Variants in MYLIP observed in about 807,000 individuals in gnomAD.
The protein encoded by MYLIP is myosin regulatory light chain interacting protein.
In MYLIP, 26 loss-of-function variants were observed where a neutral mutation model predicts 45.8. The ratio of observed to expected loss-of-function variants is 0.57; its 90% CI spans 0.42 to 0.79. MYLIP has a LOEUF of 0.79. Among genes scored for constraint, MYLIP ranks in the 30% least tolerant of loss-of-function variants. The pLI is 0.00. For synonymous variants in MYLIP, 213 were observed against 218.1 expected, an observed-to-expected ratio of 0.98 and a Z score of 0.21; for missense variants, 494 against 555.6, an observed-to-expected ratio of 0.89 and a Z score of 1.11.
chr6:16,156,584 C>T, the MYLIP span, among the ~76,000 whole-genome samples: 7 of 152,178 alleles, frequency 4.6e-5, no homozygotes, highest in African/African-American at 1.7e-4. Context: ...ACAAGTTATC[C>T]ATAAAGCTTT....
chr6:16,139,281 G>A (rs1344159208), intron 2 of MYLIP, among the ~76,000 whole-genome samples: 3 of 151,982 alleles, frequency 2.0e-5, no homozygotes, highest in East Asian at 1.9e-4. Context: ...TGTAGCTATC[G>A]GGAGGCCGAG....
In MYLIP at chr6:16,135,755, C is replaced by CTATA. The variant is rs10593630; in HGVS notation, c.278+5028_278+5031dup. Reference sequence around the variant, plus strand: ...ATTATATGTGTGTGTATACATATATCTATATATATATATATATATATATGT... The same window carrying CTATA: ...ATTATATGTGTGTGTATACATATATCTATATATATATATATATATATATATATGT... On this transcript the variant is annotated intron_variant, in intron 2 of 6. Transcript: ENST00000356840. 5.7e-3 allele frequency among the ~76,000 whole-genome samples: 714 copies of CTATA among 125,220 alleles called. 11 individuals carry two copies. The highest frequency in any genetic ancestry group is 8.0e-3 in the South Asian group (34 of 4,250). The allele number at this position is 125,220 out of a possible 152,430, so 82.1% of individuals were successfully genotyped here.
intron 2 of MYLIP, among the ~76,000 whole-genome samples, chr6:16,137,627 G>T (rs781521762): frequency 6.6e-6 from 1 of 152,166 alleles, no homozygotes; most frequent in Non-Finnish European, 1.5e-5. Flanking sequence ...ATGAGCAGAT[G>T]AACAACTTCC....
rs1759757423 is a variant in MYLIP, at chr6:16,145,023, A to T, written c.954A>T (p.Thr318=). ...GKKYVFDIKR[T]SKEVYDHARR... Reference sequence around the variant, plus strand: ...AATATGTCTTTGATATTAAAAGAACATCAAAGGAGGTGTATGACCATGCCA... The same window carrying T: ...AATATGTCTTTGATATTAAAAGAACTTCAAAGGAGGTGTATGACCATGCCA... The change falls in exon 6 of 7, where the codon ACA becomes ACT. Residue 318 remains threonine (T), a synonymous_variant. Coordinates refer to ENST00000356840, the MANE Select transcript of MYLIP (RefSeq NM_013262.4). 1 of 1,614,230 alleles carries T rather than the reference A, an allele frequency of 6.2e-7. No individual in the cohort carries two copies. Among genetic ancestry groups the T allele is most frequent in the Non-Finnish European group, 8.5e-7 (1 of 1,180,038 alleles).
At chr6:16,154,141 A>G in the MYLIP span, among the ~76,000 whole-genome samples, 12 of 152,216 alleles carry the variant, frequency 7.9e-5, no homozygotes, top group Admixed American at 7.2e-4. Flanking sequence ...CTCCTTTTAA[A>G]AAAATTAATT....
At chr6:16,133,463 G>A (rs1759494713) in intron 2 of MYLIP, among the ~76,000 whole-genome samples, 1 of 152,156 alleles carries the variant, frequency 6.6e-6, no homozygotes, top group Admixed American at 6.5e-5. Context: ...AATGTAAAAG[G>A]AGAGTCTTTT....
At chr6:16,140,035 C>A (rs762482981) in intron 2 of MYLIP, among the ~76,000 whole-genome samples, 1 of 152,224 alleles carries the variant, frequency 6.6e-6, no homozygotes, top group Non-Finnish European at 1.5e-5. Context: ...AGCCTCACTG[C>A]CTCCTCCTTA....
At chr6:16,157,354 T>A in the MYLIP span, among the ~76,000 whole-genome samples, 1 of 152,264 alleles carries the variant, frequency 6.6e-6, no homozygotes, top group Non-Finnish European at 1.5e-5. Flanking sequence ...TGTGTATGTG[T>A]GTTTCATGCA....
At chr6:16,154,430 C>G in the MYLIP span, among the ~76,000 whole-genome samples, 1 of 152,148 alleles carries the variant, frequency 6.6e-6, no homozygotes, top group African/African-American at 2.4e-5. Context: ...AGAGATTCTC[C>G]TTGGCCTCAT....
intron 5 of MYLIP, 73 bp downstream of exon 5, chr6:16,143,936 G>A (rs572389874): frequency 2.9e-5 from 44 of 1,505,414 alleles, no homozygotes; most frequent in African/African-American, 2.5e-4. Context: ...AGGTTTCTAC[G>A]GTTCCTTGGA....
At chr6:16,151,658 A>G (rs1759881876), downstream of MYLIP, among the ~76,000 whole-genome samples, 4 of 152,278 alleles carry the variant, frequency 2.6e-5, no homozygotes, top group Admixed American at 2.6e-4. Context: ...TCATATCTGT[A>G]GAGTCTTCTT....
In MYLIP at chr6:16,145,151, G is replaced by A; in HGVS notation, c.1082G>A (p.Ser361Asn). Residue 361 changes from serine to asparagine, a missense_variant, in exon 6 of 7, where the codon AGC (serine) becomes AAC (asparagine). By Grantham distance (46) the Ser-to-Asn change is conservative. Coordinates refer to ENST00000356840, the MANE Select transcript of MYLIP (RefSeq NM_013262.4). Reference sequence around the variant, plus strand: ...TCCTCAGAAAGCAGCATGAACTGCAGCAGCTGCGAGGGCCTCAGCTGCCAG... The same window carrying A: ...TCCTCAGAAAGCAGCATGAACTGCAACAGCTGCGAGGGCCTCAGCTGCCAG... ...LKSSESSMNC[S>N]SCEGLSCQQT... 6.2e-7 allele frequency: 1 copy of A among 1,614,212 alleles called. No homozygotes were observed. The highest frequency in any genetic ancestry group is 1.3e-5 in the African/African-American group (1 of 75,056).
At chr6:16,131,728 GT>G (rs901121955) in intron 2 of MYLIP, among the ~76,000 whole-genome samples, 1 of 152,156 alleles carries the variant, frequency 6.6e-6, no homozygotes, top group Non-Finnish European at 1.5e-5. Flanking sequence ...TCCTTTAAGA[GT>G]TTTTTACATG....
rs1759402002 is a variant in MYLIP at position 16,129,237 on chromosome 6, C to G, written c.-86C>G. 4 of 1,407,034 alleles carry G rather than the reference C, an allele frequency of 2.8e-6. No individual in the cohort carries two copies. Among genetic ancestry groups the G allele is most frequent in the Non-Finnish European group, 3.9e-6 (4 of 1,025,860 alleles). 87.2% of individuals were successfully genotyped at this position (1,407,034 alleles called of 1,614,324 possible). On this transcript the variant is annotated 5_prime_UTR_variant, in exon 1 of 7. Coordinates refer to ENST00000356840, the MANE Select transcript of MYLIP (RefSeq NM_013262.4). The surrounding 1 kb of genome is among the most constrained non-coding windows in gnomAD (Gnocchi z 5.1). ...CTTCGAGGGCCAGCCCTCTCCGAGT[C>G]CGGGGCTGGGTCCCACCAGTGACAA...
At chr6:16,151,361 A>AAAAAAAG (rs1200331538), downstream of MYLIP, among the ~76,000 whole-genome samples, 2 of 151,730 alleles carry the variant, frequency 1.3e-5, no homozygotes, top group Non-Finnish European at 2.9e-5. Flanking sequence ...CATCTCAAAA[A>AAAAAAAG]AAAAAAGAAA....
At chr6:16,138,547 C>G (rs1466901256) in intron 2 of MYLIP, among the ~76,000 whole-genome samples, 1 of 152,124 alleles carries the variant, frequency 6.6e-6, no homozygotes, top group African/African-American at 2.4e-5. Context: ...TACTGTTCTC[C>G]TGGAGAGCAT....
At chr6:16,130,956 T>G (rs1047726287) in intron 2 of MYLIP, among the ~76,000 whole-genome samples, 10 of 151,800 alleles carry the variant, frequency 6.6e-5, no homozygotes, top group African/African-American at 2.2e-4. Flanking sequence ...CTTTTAGTTT[T>G]TCTTGTCTTT....
intron 2 of MYLIP, among the ~76,000 whole-genome samples, chr6:16,134,873 G>A (rs1422796735): frequency 6.6e-6 from 1 of 152,088 alleles, no homozygotes; most frequent in African/African-American, 2.4e-5. Context: ...GCCTGTCTGG[G>A]TATCTTTAGG....
rs1759422653 is a variant in MYLIP at position 16,129,873 on chromosome 6, C to G, written c.87+464C>G. 6.6e-6 allele frequency among the ~76,000 whole-genome samples: 1 copy of G among 152,226 alleles called. No homozygotes were observed. The highest frequency in any genetic ancestry group is 6.5e-5 in the Admixed American group (1 of 15,290). On this transcript the variant is annotated intron_variant, in intron 1 of 6. Transcript: ENST00000356840. This position sits in a 1 kb window ranked among gnomAD's most constrained non-coding sequence, Gnocchi z 5.1. The stretch of plus-strand genomic sequence containing the variant: ...AGACAAGCCGGGCCCTTGTCTCACG[C>G]TGCTTCTCAGGCTGCTGCTCTCAAA...
Sources: allele counts gnomAD v4.1 joint callset (sites outside exome capture counted in the v4.1 genomes callset), GRCh38; gene constraint gnomAD v4.1.1; non-coding constraint Gnocchi (gnomAD v3.1); transcripts MANE v1.5; gene names NCBI Gene and HGNC (gene_info 2026-07-23, HGNC 2026-07-21).